BANF1: variants seen among roughly 807,000 people sequenced by gnomAD.
BANF1 encodes the protein barrier-to-autointegration factor.
For synonymous variants in BANF1, 49 were observed against 43.7 expected, an observed-to-expected ratio of 1.12 and a Z score of -0.48; for missense variants, 47 against 110.4, an observed-to-expected ratio of 0.43 and a Z score of 2.57.
At chr11:66,003,407 G>A in intron 2 of BANF1, 34 bp downstream of exon 2, 3 of 1,613,126 alleles carry the variant, frequency 1.9e-6, no homozygotes, top group Non-Finnish European at 2.5e-6. Context: ...AGTGCAAGCG[G>A]GGGGTGGAAG....
chr11:66,003,599 C>T (rs780695833), intron 2 of BANF1, 27 bp from the exon 3 acceptor site: 21 of 1,613,688 alleles, frequency 1.3e-5, no homozygotes, highest in African/African-American at 2.7e-5. Flanking sequence ...CTGAGCAGCA[C>T]GCTCCTTCCT....
In BANF1 at chr11:66,003,866, T is replaced by C. The variant is rs983367159; in HGVS notation, c.*94T>C. 17 of 1,574,670 alleles carry C rather than the reference T, an allele frequency of 1.1e-5. No individual in the cohort carries two copies. The African/African-American group carries it at 1.9e-4, about 18-fold the overall frequency. ...TGTCCTCTACGAAGGAAAAGATTGC[T>C]ATTGTCGTACTCACCTCCGACGTAC... On this transcript the variant is annotated 3_prime_UTR_variant, in exon 3 of 3. Transcript: ENST00000312175.
intron 2 of BANF1, 22 bp downstream of exon 2, chr11:66,003,395 C>T (rs1856054762): frequency 6.2e-7 from 1 of 1,613,492 alleles, no homozygotes; most frequent in Non-Finnish European, 8.5e-7. Context: ...CTGCGTGTAC[C>T]TAGTGCAAGC....
At position 66,003,838 on chromosome 11, in the gene BANF1, C is replaced by A. The variant is rs1215301974; in HGVS notation, c.*66C>A. 2 of 1,605,218 alleles carry A rather than the reference C, an allele frequency of 1.2e-6. No homozygotes were observed. The highest frequency in any genetic ancestry group is 1.7e-5 in the Admixed American group (1 of 59,872). ...GTTTGCAGCCGAGTAGGGACTCCTC[C>A]CCTGTCCTCTACGAAGGAAAAGATT... On this transcript the variant is annotated 3_prime_UTR_variant, in exon 3 of 3. Coordinates refer to ENST00000312175, the MANE Select transcript of BANF1 (RefSeq NM_003860.4).
intron 2 of BANF1, 114 bp from the exon 3 acceptor site, chr11:66,003,512 A>G (rs986032319): frequency 2.5e-6 from 4 of 1,610,058 alleles, no homozygotes; most frequent in Non-Finnish European, 3.4e-6. Flanking sequence ...AGGGGGGCAA[A>G]ACCCGCGCTG....
Position 66,004,101 on chromosome 11 carries a change from A to G in BANF1, c.*329A>G, listed in dbSNP as rs1856080382. 1 of 379,100 alleles carries G rather than the reference A, an allele frequency of 2.6e-6. No homozygotes were observed. The highest frequency in any genetic ancestry group is 3.9e-5 in the Admixed American group (1 of 25,780). The allele number at this position is 379,100 out of a possible 1,614,324, so 23.5% of individuals were successfully genotyped here. ...TGGCTCCTTTTTTGGCAGAACAGTCACTGTCCTTGTAAAGTTTTTTAGATC... is the reference window on the plus strand; with the variant it reads ...TGGCTCCTTTTTTGGCAGAACAGTCGCTGTCCTTGTAAAGTTTTTTAGATC... On this transcript the variant is annotated 3_prime_UTR_variant, in exon 3 of 3. Coordinates refer to ENST00000312175, the MANE Select transcript of BANF1 (RefSeq NM_003860.4).
Position 66,003,931 on chromosome 11 carries a change from A to G in BANF1, c.*159A>G. 2.8e-6 allele frequency: 3 copies of G among 1,074,532 alleles called. No homozygotes were observed. The highest frequency in any genetic ancestry group is 2.9e-5 in the South Asian group (2 of 69,938). The allele number at this position is 1,074,532 out of a possible 1,614,324, so 66.6% of individuals were successfully genotyped here. On this transcript the variant is annotated 3_prime_UTR_variant, in exon 3 of 3. Coordinates refer to ENST00000312175, the MANE Select transcript of BANF1 (RefSeq NM_003860.4). ...GGAGTTTTCTCCCCTAACCATTTCAACTTTTTTTTGGATTCTCGCTCTTGC... is the reference window on the plus strand; with the variant it reads ...GGAGTTTTCTCCCCTAACCATTTCAGCTTTTTTTTGGATTCTCGCTCTTGC...
rs754857589 is a variant in BANF1 at position 66,003,408 on chromosome 11, G to C, written c.123+35G>C. 6.2e-6 allele frequency: 10 copies of C among 1,613,584 alleles called. No homozygotes were observed. The South Asian group carries it at 8.8e-5, about 14-fold the overall frequency. On this transcript the variant is annotated intron_variant, in intron 2 of 2. Coordinates refer to ENST00000312175, the MANE Select transcript of BANF1 (RefSeq NM_003860.4). ...GGCTGCGTGTACCTAGTGCAAGCGG[G>C]GGGTGGAAGGGAAGTGATTCCATCT...
chr11:66,004,146 A>T lies in BANF1; in HGVS notation c.*374A>T. The stretch of plus-strand genomic sequence containing the variant: ...TAGATCAATAAAGTCAGTGGCTTTC[A>T]TGACTGGGCTTTGTGCACTGAAAAG... On this transcript the variant is annotated 3_prime_UTR_variant, in exon 3 of 3. Coordinates refer to ENST00000312175, the MANE Select transcript of BANF1 (RefSeq NM_003860.4). 1 of 344,700 alleles carries T rather than the reference A, an allele frequency of 2.9e-6. No individual in the cohort carries two copies. Among genetic ancestry groups the T allele is most frequent in the Non-Finnish European group, 5.6e-6 (1 of 177,852 alleles). 21.4% of individuals were successfully genotyped at this position (344,700 alleles called of 1,614,324 possible).
chr11:66,003,046 C>T (rs1856042950), intron 1 of BANF1, 189 bp from the exon 2 acceptor site: 1 of 632,848 alleles, frequency 1.6e-6, no homozygotes, highest in South Asian at 1.8e-5. Flanking sequence ...CCAGGTCCTG[C>T]AGGAAGAAAC....
At chr11:66,002,675 C>T (rs1856023654) in intron 1 of BANF1, 105 bp downstream of exon 1, 1 of 141,788 alleles carries the variant, frequency 7.1e-6, no homozygotes, top group Non-Finnish European at 1.5e-5. Flanking sequence ...TGGGGGAGAG[C>T]TTGGCCGCGC....
chr11:66,003,011 T>A (rs184848285), intron 1 of BANF1: 4 of 536,856 alleles, frequency 7.5e-6, no homozygotes, highest in Non-Finnish European at 1.3e-5. Context: ...GCAGGATCGT[T>A]TTTCCTCTGG....
intron 2 of BANF1, 74 bp downstream of exon 2, chr11:66,003,447 C>T (rs1237131261): frequency 8.7e-6 from 14 of 1,610,484 alleles, no homozygotes; most frequent in Non-Finnish European, 1.1e-5. Flanking sequence ...GGGGGATGGA[C>T]AGTAAGGTAT....
intron 1 of BANF1, 179 bp from the exon 2 acceptor site, chr11:66,003,056 C>T: frequency 1.5e-6 from 1 of 672,614 alleles, no homozygotes; most frequent in Non-Finnish European, 2.6e-6. Flanking sequence ...CAGGAAGAAA[C>T]TCCTCTTAAA....
intron 1 of BANF1, 63 bp from the exon 2 acceptor site, chr11:66,003,172 C>G (rs903495042): frequency 3.0e-5 from 48 of 1,574,912 alleles, no homozygotes; most frequent in Non-Finnish European, 6.1e-6. Flanking sequence ...TATGAGATTG[C>G]TCGTGGGCCC....
In BANF1 at chr11:66,003,965, C is replaced by T. The variant is rs910016747; in HGVS notation, c.*193C>T. The T allele has an allele frequency of 6.5e-5, 45 of 687,824 alleles. No individual in the cohort carries two copies. The Admixed American group carries it at 1.0e-3, about 16-fold the overall frequency. 42.6% of individuals were successfully genotyped at this position (687,824 alleles called of 1,614,324 possible). Reference sequence around the variant, plus strand: ...TGGATTCTCGCTCTTGCATGCCTCCCCCGTCCTTTTTCCCTTGCCAGTTCC... The same window carrying T: ...TGGATTCTCGCTCTTGCATGCCTCCTCCGTCCTTTTTCCCTTGCCAGTTCC... On this transcript the variant is annotated 3_prime_UTR_variant, in exon 3 of 3. Coordinates refer to ENST00000312175, the MANE Select transcript of BANF1 (RefSeq NM_003860.4).
rs374456907 is a variant in BANF1, at chr11:66,003,712, C to T, written c.210C>T (p.Asn70=). 25 of 1,614,142 alleles carry T rather than the reference C, an allele frequency of 1.5e-5. No individual in the cohort carries two copies. The Middle Eastern group carries it at 4.9e-4, about 32-fold the overall frequency. The stretch of plus-strand genomic sequence containing the variant: ...GGCTGAAAGACACTTGTGGCGCCAA[C>T]GCCAAGCAGTCCCGGGACTGCTTCG... ...REWLKDTCGA[N]AKQSRDCFGC... is the part of the protein sequence containing the mutation. The change falls in exon 3 of 3, where the codon AAC becomes AAT. Residue 70 remains asparagine, a synonymous_variant. Coordinates refer to ENST00000312175, the MANE Select transcript of BANF1 (RefSeq NM_003860.4).
In BANF1 at chr11:66,003,826, TA is replaced by T; in HGVS notation, c.*55del. 1 of 1,610,858 alleles carries T rather than the reference TA, an allele frequency of 6.2e-7. No individual in the cohort carries two copies. On this transcript the variant is annotated 3_prime_UTR_variant, in exon 3 of 3. Transcript: ENST00000312175. ...CCCTCATCCAGAGTTTGCAGCCGAGTAGGGACTCCTCCCCTGTCCTCTACGA... is the reference window on the plus strand; with the variant it reads ...CCCTCATCCAGAGTTTGCAGCCGAGTGGGACTCCTCCCCTGTCCTCTACGA...
rs762137248 is a variant in BANF1, at chr11:66,003,615, C to A, written c.124-11C>A. The stretch of plus-strand genomic sequence containing the variant: ...TGAGCAGCACGCTCCTTCCTTTTCC[C>A]TGTTTTGCAGGCCTATGTTGTCCTT... On this transcript the variant is annotated splice_polypyrimidine_tract_variant and intron_variant, in intron 2 of 2. Coordinates refer to ENST00000312175, the MANE Select transcript of BANF1 (RefSeq NM_003860.4). 7 of 1,614,112 alleles carry A rather than the reference C, an allele frequency of 4.3e-6. No homozygotes were observed. The South Asian group carries it at 7.7e-5, about 18-fold the overall frequency.
Sources: gnomAD v4.1 joint callset for allele counts on GRCh38, gnomAD v4.1.1 for gene constraint, MANE v1.5 for transcripts, NCBI Gene and HGNC (gene_info 2026-07-23, HGNC 2026-07-21) for gene names.